Variants in KCNMB2 observed in about 807,000 individuals in gnomAD.
KCNMB2 encodes the protein calcium-activated potassium channel subunit beta-2.
Under a neutral mutation model 24.5 loss-of-function variants are expected in KCNMB2, and 9 were observed. The observed-to-expected ratio is 0.37, with a 90% CI of 0.22 to 0.64. KCNMB2 has a LOEUF of 0.64. Among genes scored for constraint, KCNMB2 ranks in the 30% least tolerant of loss-of-function variants. The probability of loss-of-function intolerance (pLI) is 0.63; values close to 1 mark genes in which losing one functional copy is unlikely to be tolerated. For synonymous variants in KCNMB2, 109 were observed against 104.4 expected (o/e 1.04, Z -0.27); for missense variants, 226 against 284.3 (o/e 0.79, Z 1.47).
chr3:178,837,744 G>A (rs545382149), intron 4 of KCNMB2, among the ~76,000 whole-genome samples: 1 of 151,912 alleles, frequency 6.6e-6, no homozygotes, highest in Admixed American at 6.6e-5. Context: ...TGCAATGAAA[G>A]CCCAATGGCT....
intron 1 of KCNMB2, among the ~76,000 whole-genome samples, chr3:178,571,377 GAATA>G (rs1560113520): frequency 7.0e-6 from 1 of 143,552 alleles, no homozygotes; most frequent in East Asian, 2.1e-4. Flanking sequence ...AATATATGGT[GAATA>G]AATAAATAAA....
chr3:178,651,964 A>G (rs1720137070), intron 1 of KCNMB2, among the ~76,000 whole-genome samples: 1 of 152,222 alleles, frequency 6.6e-6, no homozygotes, highest in African/African-American at 2.4e-5. Flanking sequence ...AAACCATAAA[A>G]ACCCTAGAAG....
intron 1 of KCNMB2, among the ~76,000 whole-genome samples, chr3:178,745,433 C>T (rs973292892): frequency 1.3e-5 from 2 of 152,254 alleles, no homozygotes; most frequent in African/African-American, 2.4e-5. Flanking sequence ...ACCTCCCACT[C>T]GGTCCCTCCC....
chr3:178,638,381 A>G (rs942808045), intron 1 of KCNMB2, among the ~76,000 whole-genome samples: 3 of 151,944 alleles, frequency 2.0e-5, no homozygotes, highest in African/African-American at 4.8e-5. Flanking sequence ...TCCTTTCTTT[A>G]TATTTTCCTG....
chr3:178,706,800 C>T (rs1722292447), intron 1 of KCNMB2, among the ~76,000 whole-genome samples: 1 of 152,136 alleles, frequency 6.6e-6, no homozygotes, highest in Admixed American at 6.6e-5. Context: ...CAGGAAAACA[C>T]CAGACTCCTC....
intron 1 of KCNMB2, among the ~76,000 whole-genome samples, chr3:178,759,262 G>C (rs1205348759): frequency 8.5e-6 from 1 of 117,584 alleles, no homozygotes; most frequent in Non-Finnish European, 1.7e-5. Flanking sequence ...TCTCCAAGAA[G>C]AGACAGATAC....
intron 1 of KCNMB2, among the ~76,000 whole-genome samples, chr3:178,551,965 G>T (rs1159542939): frequency 6.6e-6 from 1 of 152,116 alleles, no homozygotes; most frequent in Non-Finnish European, 1.5e-5. Flanking sequence ...TGCAGGTCTG[G>T]ACTGTGAGGT....
At chr3:178,723,928 T>A (rs888941247) in intron 1 of KCNMB2, among the ~76,000 whole-genome samples, 6 of 152,156 alleles carry the variant, frequency 3.9e-5, no homozygotes, top group African/African-American at 1.4e-4. Flanking sequence ...CTATTGTGAA[T>A]AGTGCCATGG....
intron 1 of KCNMB2, among the ~76,000 whole-genome samples, chr3:178,807,045 G>C (rs1713999093): frequency 6.6e-6 from 1 of 152,156 alleles, no homozygotes; most frequent in South Asian, 2.1e-4. Flanking sequence ...TATTTTGAAG[G>C]AGATACTTTT....
At chr3:178,798,408 T>C (rs1056098406) in intron 1 of KCNMB2, among the ~76,000 whole-genome samples, 11 of 152,106 alleles carry the variant, frequency 7.2e-5, no homozygotes, top group African/African-American at 2.2e-4. Flanking sequence ...TGTTTGTTTG[T>C]TTGCTTGTTT....
At chr3:178,637,864 C>A (rs927918840) in intron 1 of KCNMB2, among the ~76,000 whole-genome samples, 30 of 152,278 alleles carry the variant, frequency 2.0e-4, no homozygotes, top group African/African-American at 7.0e-4. Flanking sequence ...AAGATAAATT[C>A]AAACTTATTA....
chr3:178,840,092 C>T (rs759881996), intron 4 of KCNMB2, among the ~76,000 whole-genome samples: 1 of 152,154 alleles, frequency 6.6e-6, no homozygotes, highest in African/African-American at 2.4e-5. Context: ...GGTAAATAGA[C>T]CCATTCCAAA....
At chr3:178,697,046 G>T (rs1041412189) in intron 1 of KCNMB2, among the ~76,000 whole-genome samples, 3 of 152,176 alleles carry the variant, frequency 2.0e-5, no homozygotes, top group African/African-American at 7.2e-5. Context: ...TTTAGAGTAT[G>T]TGCCATGTGG....
At chr3:178,775,857 G>A (rs114429114) in intron 1 of KCNMB2, among the ~76,000 whole-genome samples, 31 of 152,244 alleles carry the variant, frequency 2.0e-4, no homozygotes, top group African/African-American at 7.5e-4. Flanking sequence ...TATGTATCTC[G>A]AGGGAGATTA....
chr3:178,727,640 G>A (rs1227550789), intron 1 of KCNMB2, among the ~76,000 whole-genome samples: 2 of 152,110 alleles, frequency 1.3e-5, no homozygotes, highest in East Asian at 1.9e-4. Flanking sequence ...TTTGAAGATG[G>A]AGGAAGGGAG....
At chr3:178,628,861 A>G (rs1001959948) in intron 1 of KCNMB2, among the ~76,000 whole-genome samples, 3 of 152,152 alleles carry the variant, frequency 2.0e-5, no homozygotes, top group Admixed American at 6.5e-5. Flanking sequence ...TAGCCATTAT[A>G]TTTATATCTA....
chr3:178,596,630 C>T (rs531386843), intron 1 of KCNMB2, among the ~76,000 whole-genome samples: 1 of 152,050 alleles, frequency 6.6e-6, no homozygotes, highest in African/African-American at 2.4e-5. Flanking sequence ...TTCTTTCTGC[C>T]TTAAAAGAGT....
chr3:178,676,583 G>T (rs1721077808), intron 1 of KCNMB2, among the ~76,000 whole-genome samples: 1 of 152,156 alleles, frequency 6.6e-6, no homozygotes, highest in Admixed American at 6.5e-5. Flanking sequence ...CTCCCAAGAA[G>T]GCCACTGAGC....
At chr3:178,667,138 G>C (rs1202501066) in intron 1 of KCNMB2, among the ~76,000 whole-genome samples, 2 of 151,852 alleles carry the variant, frequency 1.3e-5, no homozygotes, top group East Asian at 1.9e-4. Context: ...AGTGTACTTA[G>C]AGTCACGAAA....
Sources: allele counts gnomAD v4.1 joint callset (sites outside exome capture counted in the v4.1 genomes callset), GRCh38; gene constraint gnomAD v4.1.1; transcripts MANE v1.5; gene names NCBI Gene and HGNC (gene_info 2026-07-23, HGNC 2026-07-21).